RNF180: variants seen among roughly 807,000 people sequenced by gnomAD.
The protein encoded by RNF180 is E3 ubiquitin-protein ligase RNF180.
Under a neutral mutation model 59.2 loss-of-function variants are expected in RNF180, and 38 were observed. That is an observed-to-expected ratio of 0.64 (90% CI 0.50 to 0.84). RNF180 has a LOEUF of 0.84. RNF180 is among the 40% of genes least tolerant of loss of function. The pLI is 0.00. For missense variants in RNF180, 705 were observed against 700.9 expected (o/e 1.01, Z -0.07); for synonymous variants, 262 against 240.3 (o/e 1.09, Z -0.84).
intron 5 of RNF180, among the ~76,000 whole-genome samples, chr5:64,270,753 A>G (rs1741355190): frequency 6.6e-6 from 1 of 152,080 alleles, no homozygotes; most frequent in African/African-American, 2.4e-5. Flanking sequence ...CTATTTGACT[A>G]TTTTGCTTCT....
intron 2 of RNF180, among the ~76,000 whole-genome samples, chr5:64,209,887 A>G (rs761318439): frequency 3.9e-4 from 59 of 152,134 alleles, no homozygotes; most frequent in South Asian, 2.1e-4. Context: ...CAAAAACTGT[A>G]TCCATACCTT....
rs557099989 is a variant in RNF180, at chr5:64,247,863, A to G, written c.1227+30467A>G. On this transcript the variant is annotated intron_variant, in intron 5 of 7. Coordinates refer to ENST00000389100, the MANE Select transcript of RNF180 (RefSeq NM_001113561.2). ...ACGCTACCTGACTTTAAACCATACT[A>G]CAATGCTACAGTAACCAAAACAGCA... is the stretch of plus-strand genomic sequence containing the variant. Among the ~76,000 whole-genome samples the G allele has an allele frequency of 1.6e-4, 25 of 152,310 alleles. No individual in the cohort carries two copies. The South Asian group carries it at 4.8e-3, about 29-fold the overall frequency.
intron 5 of RNF180, among the ~76,000 whole-genome samples, chr5:64,242,203 C>T (rs182806038): frequency 3.3e-5 from 5 of 152,186 alleles, no homozygotes; most frequent in South Asian, 2.1e-4. Context: ...CTACACTGAT[C>T]GTGGCTGCTT....
At chr5:64,283,871 G>T (rs575238767) in intron 5 of RNF180, among the ~76,000 whole-genome samples, 1 of 152,260 alleles carries the variant, frequency 6.6e-6, no homozygotes, top group East Asian at 1.9e-4. Flanking sequence ...TTTTAAAATT[G>T]GTAGGTGCAC....
chr5:64,326,521 A>T (rs1561263188), intron 6 of RNF180, among the ~76,000 whole-genome samples: 1 of 152,170 alleles, frequency 6.6e-6, no homozygotes, highest in African/African-American at 2.4e-5. Context: ...CAGGCTGCAT[A>T]TTCAGCTGGA....
At chr5:64,214,798 TG>T (rs373012340) in intron 4 of RNF180, among the ~76,000 whole-genome samples, 51 of 152,334 alleles carry the variant, frequency 3.3e-4, no homozygotes, top group African/African-American at 1.2e-3. Flanking sequence ...AACACTGGAT[TG>T]TTTTTTACTA....
chr5:64,309,204 A>G (rs1187548441), intron 5 of RNF180, among the ~76,000 whole-genome samples: 1 of 151,778 alleles, frequency 6.6e-6, no homozygotes, highest in East Asian at 1.9e-4. Flanking sequence ...CCTGAAAGTT[A>G]AAAGAGCAGT....
Position 64,244,482 on chromosome 5 carries a change from G to A in RNF180, c.1227+27086G>A, listed in dbSNP as rs1205806728. ...AGCCAAATCAATCAAGTCGAAGAAA[G>A]GATATCAGAGATTGAAGGTCAACTT... On this transcript the variant is annotated intron_variant, in intron 5 of 7. Coordinates refer to ENST00000389100, the MANE Select transcript of RNF180 (RefSeq NM_001113561.2). Among the ~76,000 whole-genome samples, 3 of 151,962 alleles carry A rather than the reference G, an allele frequency of 2.0e-5. No individual in the cohort carries two copies. The East Asian group carries it at 5.8e-4, about 29-fold the overall frequency.
At chr5:64,288,134 C>T (rs1050627957) in intron 5 of RNF180, among the ~76,000 whole-genome samples, 2 of 152,148 alleles carry the variant, frequency 1.3e-5, no homozygotes, top group Non-Finnish European at 2.9e-5. Flanking sequence ...AGCCTGTTCT[C>T]CCGGCACCAT....
At chr5:64,309,640 C>T (rs1743656530) in intron 5 of RNF180, among the ~76,000 whole-genome samples, 1 of 151,128 alleles carries the variant, frequency 6.6e-6, no homozygotes, top group Non-Finnish European at 1.5e-5. Flanking sequence ...ATCTCTTGAA[C>T]TGTTTAATAT....
At chr5:64,306,904 G>T (rs912733424) in intron 5 of RNF180, among the ~76,000 whole-genome samples, 29 of 151,202 alleles carry the variant, frequency 1.9e-4, no homozygotes, top group African/African-American at 7.0e-4. Flanking sequence ...CAGCGCACCA[G>T]CATGGCACAT....
At chr5:64,368,319 A>T (rs1746527149) in intron 7 of RNF180, among the ~76,000 whole-genome samples, 1 of 151,854 alleles carries the variant, frequency 6.6e-6, no homozygotes. Flanking sequence ...GGTGATCAGA[A>T]GTTATAAAAG....
intron 7 of RNF180, among the ~76,000 whole-genome samples, chr5:64,338,551 C>T (rs1199327552): frequency 6.6e-6 from 1 of 150,956 alleles, no homozygotes; most frequent in East Asian, 2.0e-4. Context: ...AGGAGAATGG[C>T]GTGAATCCGG....
intron 1 of RNF180, among the ~76,000 whole-genome samples, chr5:64,178,871 G>A (rs1304597582): frequency 1.3e-5 from 2 of 151,918 alleles, no homozygotes; most frequent in African/African-American, 2.4e-5. Flanking sequence ...GTGGTTTTCA[G>A]TCTTATTGTG....
chr5:64,231,441 A>G (rs1742094125), intron 5 of RNF180, among the ~76,000 whole-genome samples: 2 of 152,286 alleles, frequency 1.3e-5, no homozygotes, highest in Admixed American at 6.5e-5. Context: ...TAAACTAAGT[A>G]TATGTGCCAC....
chr5:64,307,383 G>A (rs972917595), intron 5 of RNF180, among the ~76,000 whole-genome samples: 6 of 151,610 alleles, frequency 4.0e-5, no homozygotes, highest in Admixed American at 3.3e-4. Flanking sequence ...GATTCCAAAT[G>A]TATAATAGAG....
chr5:64,256,833 A>G (rs1159239080), intron 5 of RNF180, among the ~76,000 whole-genome samples: 1 of 152,230 alleles, frequency 6.6e-6, no homozygotes, highest in Non-Finnish European at 1.5e-5. Context: ...CCTATCCACA[A>G]GCATGGAATG....
At chr5:64,340,577 G>GGTAA (rs774011655) in intron 7 of RNF180, among the ~76,000 whole-genome samples, 4 of 152,180 alleles carry the variant, frequency 2.6e-5, no homozygotes, top group African/African-American at 4.8e-5. Flanking sequence ...GAAAGTTGGA[G>GGTAA]GTAAGTCAGA....
intron 5 of RNF180, among the ~76,000 whole-genome samples, chr5:64,228,148 A>G (rs1373931989): frequency 6.6e-6 from 1 of 152,218 alleles, no homozygotes; most frequent in Non-Finnish European, 1.5e-5. Context: ...TAAAGTTAAT[A>G]TTTAATCTTA....
Sources: allele counts gnomAD v4.1 joint callset (sites outside exome capture counted in the v4.1 genomes callset), GRCh38; gene constraint gnomAD v4.1.1; transcripts MANE v1.5; gene names NCBI Gene and HGNC (gene_info 2026-07-23, HGNC 2026-07-21).